The following KLF8 variants were observed in gnomAD, a reference collection of about 807,000 sequenced individuals.
KLF8 encodes Krueppel-like factor 8.
In KLF8, 10 loss-of-function variants were observed where a neutral mutation model predicts 18.2. That is an observed-to-expected ratio of 0.55 (90% CI 0.34 to 0.93). The LOEUF (loss-of-function observed/expected upper bound fraction) is 0.93, where lower values mean the gene tolerates loss of function less well. Ranked by LOEUF, KLF8 falls within the 40% of genes least tolerant of loss-of-function variation. KLF8 has a pLI of 0.02. For missense variants in KLF8, 264 were observed against 277.9 expected, an observed-to-expected ratio of 0.95 and a Z score of 0.36; for synonymous variants, 109 against 97.3, an observed-to-expected ratio of 1.12 and a Z score of -0.71.
chrX:56,103,438 G>T, the KLF8 span, among the ~76,000 whole-genome samples: 1 of 111,389 alleles, frequency 9.0e-6, no homozygotes, highest in Non-Finnish European at 1.9e-5. Flanking sequence ...TCCCTTGTTA[G>T]TTGGATTCCT....
chrX:55,911,495 G>A, the KLF8 span, among the ~76,000 whole-genome samples: 4 of 112,305 alleles, frequency 3.6e-5, no homozygotes, highest in Non-Finnish European at 7.5e-5. Context: ...TTATTTGCTT[G>A]GAAACCTTTT....
At chrX:56,256,632 G>T (rs1027739536) in intron 2 of KLF8, among the ~76,000 whole-genome samples, 2 of 111,760 alleles carry the variant, frequency 1.8e-5, no homozygotes, top group African/African-American at 6.5e-5. Context: ...CTTGTTTCAA[G>T]AAATTTTTCA....
the KLF8 span, among the ~76,000 whole-genome samples, chrX:56,220,679 G>A: frequency 2.7e-5 from 3 of 110,491 alleles, no homozygotes; most frequent in Non-Finnish European, 5.7e-5. Flanking sequence ...AGTAGAGACC[G>A]GTTTCACCAT....
the KLF8 span, among the ~76,000 whole-genome samples, chrX:56,180,293 A>G: frequency 9.0e-6 from 1 of 111,731 alleles, no homozygotes; most frequent in South Asian, 3.7e-4. Context: ...CTCTGATGGT[A>G]GTTTGTATTT....
chrX:55,976,588 A>ACACACACC, the KLF8 span, among the ~76,000 whole-genome samples: 17 of 3,481 alleles, frequency 4.9e-3, no homozygotes, highest in Middle Eastern at 0.12. Flanking sequence ...ACACACACAC[A>ACACACACC]CCCCATGTTT....
chrX:55,963,154 A>T, the KLF8 span, among the ~76,000 whole-genome samples: 1 of 111,987 alleles, frequency 8.9e-6, no homozygotes, highest in African/African-American at 3.2e-5. Context: ...TGCTTGATTG[A>T]TCATCAACCC....
the KLF8 span, among the ~76,000 whole-genome samples, chrX:56,177,722 G>T: frequency 1.1e-3 from 125 of 111,611 alleles, no homozygotes; most frequent in African/African-American, 4.0e-3. Flanking sequence ...GAGGCAGGCA[G>T]GCCTCCTTGA....
At chrX:56,262,021 G>T (rs1222689517) in intron 2 of KLF8, among the ~76,000 whole-genome samples, 7 of 111,658 alleles carry the variant, frequency 6.3e-5, no homozygotes, top group Non-Finnish European at 1.1e-4. Context: ...ACTTGGGAGT[G>T]ATATGTACAG....
chrX:55,997,593 C>G, the KLF8 span, among the ~76,000 whole-genome samples: 5 of 111,927 alleles, frequency 4.5e-5, no homozygotes, highest in Non-Finnish European at 7.5e-5. Flanking sequence ...TGTCCTCCCT[C>G]TGTCCACTCT....
At chrX:56,103,785 G>T in the KLF8 span, among the ~76,000 whole-genome samples, 1 of 111,106 alleles carries the variant, frequency 9.0e-6, no homozygotes, top group Non-Finnish European at 1.9e-5. Flanking sequence ...TGCCTTTCTT[G>T]TGCCAGTTTT....
At chrX:56,235,048 A>G (rs745654525) in intron 1 of KLF8, among the ~76,000 whole-genome samples, 6 of 111,296 alleles carry the variant, frequency 5.4e-5, no homozygotes, top group Non-Finnish European at 1.1e-4. Context: ...TGGGAAAAAA[A>G]TAACCATGTA....
chrX:56,044,741 C>T, the KLF8 span, among the ~76,000 whole-genome samples: 2 of 112,176 alleles, frequency 1.8e-5, no homozygotes, highest in East Asian at 5.6e-4. Flanking sequence ...CTCAGGTAGA[C>T]TCCAACCCAT....
At chrX:56,207,251 T>C in the KLF8 span, among the ~76,000 whole-genome samples, 1 of 112,842 alleles carries the variant, frequency 8.9e-6, no homozygotes, top group Admixed American at 9.3e-5. Flanking sequence ...ATTTGGTTTC[T>C]TGTTACTTGT....
the KLF8 span, among the ~76,000 whole-genome samples, chrX:56,112,047 G>A: frequency 8.9e-6 from 1 of 111,761 alleles, no homozygotes; most frequent in Non-Finnish European, 1.9e-5. Context: ...GTTTATTGTG[G>A]CACTGTTCAC....
At chrX:56,135,871 G>A in the KLF8 span, among the ~76,000 whole-genome samples, 3 of 111,241 alleles carry the variant, frequency 2.7e-5, no homozygotes, top group Non-Finnish European at 5.7e-5. Context: ...AGTGTTAAGA[G>A]GAATGTTTAT....
At chrX:56,104,984 C>T in the KLF8 span, among the ~76,000 whole-genome samples, 63 of 111,925 alleles carry the variant, frequency 5.6e-4, 1 homozygote, top group East Asian at 0.017. Context: ...CCAGTAGTCA[C>T]TCAGGTGCAG....
the KLF8 span, among the ~76,000 whole-genome samples, chrX:56,164,751 C>CTTTTTTTTTTTTTTTTT: frequency 2.8e-5 from 1 of 35,957 alleles, no homozygotes; most frequent in Non-Finnish European, 5.2e-5. Flanking sequence ...TTTTTTTTAA[C>CTTTTTTTTTTTTTTTTT]TTTTTTTTTT....
the KLF8 span, among the ~76,000 whole-genome samples, chrX:56,090,402 A>T: frequency 8.9e-6 from 1 of 112,224 alleles, no homozygotes; most frequent in African/African-American, 3.2e-5. Flanking sequence ...GTAAAAGACA[A>T]AACATGCAAT....
Position 56,265,255 on chromosome X carries a change from G to T in KLF8, c.157G>T (p.Asp53Tyr), listed in dbSNP as rs899019890. The change falls in exon 3 of 6, where the codon GAT becomes TAT. Residue 53 changes from aspartate (D) to tyrosine (Y), a missense_variant. Asp to Tyr is a radical substitution (Grantham distance 160). Transcript: ENST00000468660. ...RSNMTSPTLLDANPMENPALF... is the reference protein window; with the variant it reads ...RSNMTSPTLLYANPMENPALF... ...TAATATGACTTCTCCAACACTCCTGGATGCCAACCCCATGGAGAACCCAGC... is the reference window on the plus strand; with the variant it reads ...TAATATGACTTCTCCAACACTCCTGTATGCCAACCCCATGGAGAACCCAGC... 3 of 1,207,212 alleles carry T rather than the reference G, an allele frequency of 2.5e-6. No individual in the cohort carries two copies. The African/African-American group carries it at 5.3e-5, about 21-fold the overall frequency.
Sources: allele counts gnomAD v4.1 joint callset (sites outside exome capture counted in the v4.1 genomes callset), GRCh38; gene constraint gnomAD v4.1.1; transcripts MANE v1.5; gene names NCBI Gene and HGNC (gene_info 2026-07-23, HGNC 2026-07-21).